The following BIRC6 variants were observed in gnomAD, a reference collection of about 807,000 sequenced individuals.
BIRC6 encodes the protein dual E2 ubiquitin-conjugating enzyme/E3 ubiquitin-protein ligase BIRC6.
BIRC6 carries 98 observed loss-of-function variants against 503.3 expected under a neutral mutation model. The observed-to-expected ratio is 0.19, with a 90% confidence interval of 0.17 to 0.23. The LOEUF (loss-of-function observed/expected upper bound fraction) is 0.23, where lower values mean the gene tolerates loss of function less well. Among genes scored for constraint, BIRC6 ranks in the 10% least tolerant of loss-of-function variants. The pLI is 1.00. For missense variants in BIRC6, 5,360 were observed against 5,806.0 expected, an observed-to-expected ratio of 0.92 and a Z score of 2.50; for synonymous variants, 2,240 against 2,078.7, an observed-to-expected ratio of 1.08 and a Z score of -2.11.
intron 6 of BIRC6, among the ~76,000 whole-genome samples, chr2:32,399,537 C>T (rs1053898206): frequency 6.6e-6 from 1 of 152,136 alleles, no homozygotes; most frequent in Non-Finnish European, 1.5e-5. Flanking sequence ...GGACTATATG[C>T]TTTACCATCA....
At chr2:32,467,862 G>A (rs553332519) in intron 27 of BIRC6, 41 bp from the exon 28 acceptor site, 1 of 1,503,478 alleles carries the variant, frequency 6.7e-7, no homozygotes, top group Non-Finnish European at 9.0e-7. Flanking sequence ...TTTTATTGTG[G>A]CAGATGTGTA....
intron 9 of BIRC6, among the ~76,000 whole-genome samples, chr2:32,413,171 G>T (rs908439494): frequency 6.7e-6 from 1 of 148,624 alleles, no homozygotes; most frequent in African/African-American, 2.5e-5. Context: ...CACCATGCCC[G>T]GCTAATTTTT....
chr2:32,604,147 C>G (rs1348739565), intron 71 of BIRC6, among the ~76,000 whole-genome samples: 9 of 152,042 alleles, frequency 5.9e-5, no homozygotes, highest in Non-Finnish European at 1.2e-4. Flanking sequence ...TCTCATTCAT[C>G]CTGTAACACA....
chr2:32,490,004 T>C, intron 42 of BIRC6, 37 bp from the exon 43 acceptor site: 9 of 1,410,096 alleles, frequency 6.4e-6, no homozygotes, highest in Non-Finnish European at 9.0e-6. Flanking sequence ...AACATTGTTT[T>C]TCTGAAAAAT....
chr2:32,501,437 T>C (rs181592969), intron 46 of BIRC6, among the ~76,000 whole-genome samples: 6 of 152,354 alleles, frequency 3.9e-5, no homozygotes, highest in African/African-American at 1.4e-4. Flanking sequence ...AATATTGTCA[T>C]TGATATTTTA....
intron 36 of BIRC6, 61 bp from the exon 37 acceptor site, chr2:32,479,401 C>A: frequency 6.9e-7 from 1 of 1,447,614 alleles, no homozygotes; most frequent in Non-Finnish European, 9.4e-7. Flanking sequence ...AAAAAATGTG[C>A]TGTAATACAT....
intron 23 of BIRC6, among the ~76,000 whole-genome samples, chr2:32,460,534 C>T (rs922153631): frequency 5.9e-5 from 9 of 151,596 alleles, no homozygotes; most frequent in Non-Finnish European, 1.3e-4. Flanking sequence ...GTCTTGGTCT[C>T]CCAAAGTGCT....
At chr2:32,385,995 CTT>C (rs1197338978) in intron 3 of BIRC6, among the ~76,000 whole-genome samples, 1 of 152,098 alleles carries the variant, frequency 6.6e-6, no homozygotes, top group Non-Finnish European at 1.5e-5. Flanking sequence ...TCTGGGGACT[CTT>C]ATTCTCTGGT....
intron 39 of BIRC6, 22 bp from the exon 40 acceptor site, chr2:32,485,621 T>C (rs769470290): frequency 6.6e-7 from 1 of 1,517,284 alleles, no homozygotes; most frequent in Admixed American, 1.7e-5. Context: ...TGTTTTCTTT[T>C]TCTTTCAATT....
Position 32,611,707 on chromosome 2 carries a change from C to G in BIRC6, c.14394+125C>G, listed in dbSNP as rs147297369. 1.7e-4 allele frequency: 168 copies of G among 1,010,316 alleles called. No individual in the cohort carries two copies. In the East Asian group the frequency reaches 5.0e-3, roughly 30 times the overall value. 62.6% of individuals were successfully genotyped at this position (1,010,316 alleles called of 1,614,324 possible). A position where few individuals can be genotyped will look rare whatever the true frequency, so the allele number is the denominator to read the frequency against. ...AGAAACATAATATGTATTTTCAGTT[C>G]AGAGGAATAAATTGTTACTCAGAAG... On this transcript the variant is annotated intron_variant, in intron 73 of 73. Coordinates refer to ENST00000421745, the MANE Select transcript of BIRC6 (RefSeq NM_016252.4).
chr2:32,575,279 A>C lies in BIRC6; in HGVS notation c.13268A>C (p.Glu4423Ala). Reference sequence around the variant, plus strand: ...CTTTCTACAGAGAACGGTGAAGAGGAAGAAGAACAGTCAGAATGTCAAACT... The same window carrying C: ...CTTTCTACAGAGAACGGTGAAGAGGCAGAAGAACAGTCAGAATGTCAAACT... The part of the protein sequence containing the change: ...LPLSTENGEE[E>A]EEQSECQTSV... Residue 4423 changes from glutamate (E) to alanine (A), a missense_variant, in exon 66 of 74, where the codon GAA (glutamate) becomes GCA (alanine). Coordinates refer to ENST00000421745, the MANE Select transcript of BIRC6 (RefSeq NM_016252.4). 1 of 1,613,868 alleles carries C rather than the reference A, an allele frequency of 6.2e-7. No individual in the cohort carries two copies.
At chr2:32,459,515 C>G (rs1331938075) in intron 23 of BIRC6, among the ~76,000 whole-genome samples, 1 of 152,028 alleles carries the variant, frequency 6.6e-6, no homozygotes, top group African/African-American at 2.4e-5. Flanking sequence ...TGTTGCTATT[C>G]TAGGTCTTTT....
At position 32,486,211 on chromosome 2, in the gene BIRC6, AG is replaced by A. The variant is rs546793646; in HGVS notation, c.7813+454del. Among the ~76,000 whole-genome samples the A allele has an allele frequency of 1.4e-4, 21 of 152,330 alleles. No individual in the cohort carries two copies. The South Asian group carries it at 4.3e-3, about 32-fold the overall frequency. The stretch of plus-strand genomic sequence containing the variant: ...CTGTTAGTTGAAAGCCAGAATTGAG[AG>A]GATTTACTACCTAATAACCTACAGA... On this transcript the variant is annotated intron_variant, in intron 40 of 73. Transcript: ENST00000421745.
At chr2:32,454,688 CA>C (rs1267658396) in intron 23 of BIRC6, among the ~76,000 whole-genome samples, 2 of 151,998 alleles carry the variant, frequency 1.3e-5, no homozygotes, top group East Asian at 3.9e-4. Context: ...AACAGTTTAA[CA>C]AAAAGCAAAA....
intron 10 of BIRC6, among the ~76,000 whole-genome samples, chr2:32,418,276 A>C (rs2042588266): frequency 6.6e-6 from 1 of 152,240 alleles, no homozygotes. Flanking sequence ...TTTATTGGTC[A>C]TATATGTGCC....
rs1336743555 is a variant in BIRC6 at position 32,448,811 on chromosome 2, T to C, written c.4501T>C (p.Ser1501Pro). 6.2e-7 allele frequency: 1 copy of C among 1,610,718 alleles called. No individual in the cohort carries two copies. Among genetic ancestry groups the C allele is most frequent in the Admixed American group, 1.7e-5 (1 of 59,172 alleles). ...LLQTRYGLYS[S>P]PFDPVLFDLE... is the part of the protein sequence containing the mutation. ...ATTTTTCAGATATGGATTATATAGC[T>C]CACCATTTGATCCAGTCCTCTTTGA... The change falls in exon 22 of 74, where the codon TCA becomes CCA. Residue 1501 changes from serine (S) to proline (P), a missense_variant. Transcript: ENST00000421745.
intron 60 of BIRC6, among the ~76,000 whole-genome samples, chr2:32,530,303 C>T (rs1035202061): frequency 6.6e-6 from 1 of 152,084 alleles, no homozygotes; most frequent in Non-Finnish European, 1.5e-5. Context: ...CTCCGCCTCC[C>T]GAGTTCAAGT....
chr2:32,476,072 T>A (rs2049729931), intron 33 of BIRC6, 141 bp from the exon 34 acceptor site: 1 of 605,000 alleles, frequency 1.7e-6, no homozygotes, highest in Non-Finnish European at 2.6e-6. Flanking sequence ...TTTAAAAAAT[T>A]ATCATCACAG....
Position 32,392,101 on chromosome 2 carries a change from A to G in BIRC6, c.902A>G (p.Tyr301Cys). Residue 301 changes from tyrosine (Y) to cysteine (C), a missense_variant, in exon 5 of 74, where the codon TAT (tyrosine) becomes TGT (cysteine). By Grantham distance (194) the Tyr-to-Cys change is radical. This residue lies in a region of BIRC6 where 92 missense variants were observed against 176.7 expected (regional missense o/e 0.52). Coordinates refer to ENST00000421745, the MANE Select transcript of BIRC6 (RefSeq NM_016252.4). Reference sequence around the variant, plus strand: ...TTTACCTCATGGCCTCATGTAGGCTATAGGTGGGCACAACCAGATCCCATG... The same window carrying G: ...TTTACCTCATGGCCTCATGTAGGCTGTAGGTGGGCACAACCAGATCCCATG... Reference protein sequence around the residue: ...ETFTSWPHVGYRWAQPDPMAQ... With the variant: ...ETFTSWPHVGCRWAQPDPMAQ... 6.3e-7 allele frequency: 1 copy of G among 1,598,894 alleles called. No homozygotes were observed. Among genetic ancestry groups the G allele is most frequent in the Non-Finnish European group, 8.5e-7 (1 of 1,172,050 alleles).
Sources: gnomAD v4.1 joint callset for allele counts (sites outside exome capture counted in the v4.1 genomes callset) on GRCh38, gnomAD v4.1.1 for gene constraint, gnomAD v4.1.1 regional missense constraint, MANE v1.5 for transcripts, NCBI Gene and HGNC (gene_info 2026-07-23, HGNC 2026-07-21) for gene names.